The following BTBD1 variants were observed in gnomAD, a reference collection of about 807,000 sequenced individuals.
The protein encoded by BTBD1 is BTB/POZ domain-containing protein 1.
Under a neutral mutation model 48.0 loss-of-function variants are expected in BTBD1, and 34 were observed. The observed-to-expected ratio is 0.71, with a 90% CI of 0.54 to 0.94. The LOEUF is 0.94. BTBD1 is among the 40% of genes least tolerant of loss of function. The pLI is 0.00. For synonymous variants in BTBD1, 261 were observed against 242.1 expected (o/e 1.08, Z -0.72); for missense variants, 543 against 625.6 (o/e 0.87, Z 1.41).
intron 3 of BTBD1, among the ~76,000 whole-genome samples, chr15:83,048,053 T>C (rs146067266): frequency 4.2e-4 from 64 of 152,284 alleles, no homozygotes; most frequent in Non-Finnish European, 7.5e-4. Context: ...TGAAAGAGAA[T>C]GGTGGCTTAG....
chr15:83,051,871 T>TACACACACACACACACAC (rs1181498879), intron 2 of BTBD1, among the ~76,000 whole-genome samples: 2 of 7,846 alleles, frequency 2.5e-4, no homozygotes, highest in African/African-American at 2.4e-3. Flanking sequence ...TTTTTTTCCA[T>TACACACACACACACACAC]ATATATACAC....
chr15:83,020,902 G>A, intron 5 of BTBD1, 140 bp from the exon 6 acceptor site: 1 of 539,760 alleles, frequency 1.9e-6, no homozygotes, highest in Non-Finnish European at 3.2e-6. Flanking sequence ...CCTTGGAAAT[G>A]TCATCTGTTT....
rs779666874 is a variant in BTBD1 at position 83,050,152 on chromosome 15, A to C, written c.585T>G (p.Leu195=). The change falls in exon 3 of 8, where the codon CTT becomes CTG. Residue 195 remains leucine (L), a synonymous_variant. Transcript: ENST00000261721. The stretch of plus-strand genomic sequence containing the variant: ...CTATTGTATCTAGACAAAGACTAGC[A>C]AGCTGAGGTTCATCAAATAATCGAG... The part of the protein sequence containing the change: ...TQARLFDEPQ[L]ASLCLDTIDK... 2.5e-6 allele frequency: 4 copies of C among 1,612,764 alleles called. No individual in the cohort carries two copies. The highest frequency in any genetic ancestry group is 3.4e-6 in the Non-Finnish European group (4 of 1,179,320).
intron 4 of BTBD1, 139 bp downstream of exon 4, chr15:83,041,589 T>C (rs2032760948): frequency 1.4e-6 from 1 of 708,582 alleles, no homozygotes; most frequent in East Asian, 2.6e-5. Flanking sequence ...ACAAGGCTGG[T>C]GTCGAACTCC....
At chr15:83,044,720 C>T (rs1596438873) in intron 3 of BTBD1, 2 of 1,466,574 alleles carry the variant, frequency 1.4e-6, no homozygotes, top group Non-Finnish European at 1.9e-6. Context: ...TAGTGGTGTA[C>T]TGTGTCATGA....
chr15:83,059,220 G>GTT (rs1161343109), intron 1 of BTBD1, among the ~76,000 whole-genome samples: 1 of 152,110 alleles, frequency 6.6e-6, no homozygotes, highest in Non-Finnish European at 1.5e-5. Flanking sequence ...GTCCACCCAG[G>GTT]TTTCTCTTTT....
At chr15:83,018,631 T>TAG in intron 7 of BTBD1, 76 bp downstream of exon 7, 1 of 1,525,904 alleles carries the variant, frequency 6.6e-7, no homozygotes, top group Non-Finnish European at 8.9e-7. Context: ...CAGCTGTCAG[T>TAG]GACTCTCAGC....
intron 4 of BTBD1, among the ~76,000 whole-genome samples, chr15:83,034,178 A>G (rs994162752): frequency 6.6e-6 from 1 of 152,044 alleles, no homozygotes; most frequent in Non-Finnish European, 1.5e-5. Context: ...ATTCCAAATA[A>G]AAGGCAAAGT....
At chr15:83,044,329 G>A (rs991431513) in intron 3 of BTBD1, 21 of 1,212,744 alleles carry the variant, frequency 1.7e-5, no homozygotes, top group African/African-American at 3.0e-5. Flanking sequence ...CCACGCCGAC[G>A]GCAACCCTGC....
At chr15:83,059,428 C>G (rs1192328846) in intron 1 of BTBD1, among the ~76,000 whole-genome samples, 1 of 152,110 alleles carries the variant, frequency 6.6e-6, no homozygotes, top group South Asian at 2.1e-4. Flanking sequence ...GCCTGTAATC[C>G]CAGCTACTCA....
chr15:83,062,344 AT>A (rs1376686621), intron 1 of BTBD1, among the ~76,000 whole-genome samples: 2 of 152,232 alleles, frequency 1.3e-5, no homozygotes, highest in Non-Finnish European at 2.9e-5. Flanking sequence ...ATTTTCAGGA[AT>A]GGTCTAAAAT....
At chr15:83,044,970 TAAA>T (rs1006467683) in intron 3 of BTBD1, among the ~76,000 whole-genome samples, 1 of 151,922 alleles carries the variant, frequency 6.6e-6, no homozygotes, top group Non-Finnish European at 1.5e-5. Flanking sequence ...TTTGTGCTAA[TAAA>T]AAAATAATAA....
intron 2 of BTBD1, among the ~76,000 whole-genome samples, chr15:83,051,835 T>C (rs189784326): frequency 1.2e-4 from 18 of 145,682 alleles, no homozygotes; most frequent in Admixed American, 1.4e-4. Flanking sequence ...CTAAATATTA[T>C]TTAACATTTT....
chr15:83,025,600 C>A (rs190440150), intron 5 of BTBD1, among the ~76,000 whole-genome samples: 1 of 151,698 alleles, frequency 6.6e-6, no homozygotes, highest in African/African-American at 2.4e-5. Flanking sequence ...GGATTATTCA[C>A]AATACTACAG....
At chr15:83,057,014 G>A (rs563664066) in intron 1 of BTBD1, among the ~76,000 whole-genome samples, 11 of 152,114 alleles carry the variant, frequency 7.2e-5, no homozygotes, top group Non-Finnish European at 1.5e-4. Context: ...GATGAATACA[G>A]GGAATTAAAA....
chr15:83,047,436 G>C (rs140119341), intron 3 of BTBD1, among the ~76,000 whole-genome samples: 3 of 152,156 alleles, frequency 2.0e-5, no homozygotes, highest in African/African-American at 7.2e-5. Context: ...AGAATGGTAG[G>C]AGACAAAGTC....
intron 4 of BTBD1, among the ~76,000 whole-genome samples, chr15:83,032,986 A>AAAAAAAAAAAC (rs1555439417): frequency 6.6e-6 from 1 of 151,372 alleles, no homozygotes; most frequent in African/African-American, 2.4e-5. Flanking sequence ...AAAAAAAAAA[A>AAAAAAAAAAAC]AACAGAATAG....
At position 83,017,839 on chromosome 15, in the gene BTBD1, T is replaced by C. The variant is rs1055817764; in HGVS notation, c.*228A>G. On this transcript the variant is annotated 3_prime_UTR_variant, in exon 8 of 8. Coordinates refer to ENST00000261721, the MANE Select transcript of BTBD1 (RefSeq NM_025238.4). ...AAGGTGAAAAAGCTGTGCTTTTTTT[T>C]AAACCATTAAACCCAGTTCTTTTCT... is the stretch of plus-strand genomic sequence containing the variant. 2.6e-5 allele frequency: 7 copies of C among 269,184 alleles called. No homozygotes were observed. Among genetic ancestry groups the C allele is most frequent in the Non-Finnish European group, 4.1e-5 (6 of 145,742 alleles). 16.7% of individuals were successfully genotyped at this position (269,184 alleles called of 1,614,324 possible).
At chr15:83,037,062 G>A (rs1400374316) in intron 4 of BTBD1, among the ~76,000 whole-genome samples, 5 of 151,898 alleles carry the variant, frequency 3.3e-5, no homozygotes, top group Admixed American at 2.0e-4. Context: ...CCCAAACACT[G>A]ATTCTTATCA....
Sources: allele counts gnomAD v4.1 joint callset (sites outside exome capture counted in the v4.1 genomes callset), GRCh38; gene constraint gnomAD v4.1.1; transcripts MANE v1.5; gene names NCBI Gene and HGNC (gene_info 2026-07-23, HGNC 2026-07-21).